Variants in NIM1K observed in about 807,000 individuals in gnomAD.
NIM1K encodes NIM1 serine/threonine protein kinase, also known as serine/threonine-protein kinase NIM1.
In NIM1K, 35 loss-of-function variants were observed where a neutral mutation model predicts 37.1. That is an observed-to-expected ratio of 0.94 (90% CI 0.72 to 1.25). The LOEUF is 1.25. NIM1K is among the 50% of genes most tolerant of loss of function. NIM1K has a pLI of 0.00. For missense variants in NIM1K, 564 were observed against 548.0 expected (o/e 1.03, Z -0.29); for synonymous variants, 234 against 206.6 (o/e 1.13, Z -1.14).
At chr5:43,252,568 A>T (rs1752880624) in intron 2 of NIM1K, among the ~76,000 whole-genome samples, 1 of 11,172 alleles carries the variant, frequency 9.0e-5, no homozygotes, top group African/African-American at 1.9e-4. Context: ...AGTAGTCTAA[A>T]AAATTGAAAA....
At chr5:43,206,920 T>C (rs1189563616) in intron 1 of NIM1K, 2 of 769,792 alleles carry the variant, frequency 2.6e-6, no homozygotes, top group Non-Finnish European at 4.8e-6. Context: ...TGTTGCTGGA[T>C]CTTCAGAGTT....
intron 1 of NIM1K, chr5:43,232,310 A>G: frequency 8.1e-7 from 1 of 1,230,278 alleles, no homozygotes; most frequent in Non-Finnish European, 1.2e-6. Context: ...AGTCTCTGCT[A>G]CAGAAAGCTG....
At chr5:43,234,539 A>G (rs1032340717) in intron 1 of NIM1K, among the ~76,000 whole-genome samples, 1 of 152,124 alleles carries the variant, frequency 6.6e-6, no homozygotes, top group Non-Finnish European at 1.5e-5. Context: ...CTGTATTCCC[A>G]GCCCTTTGGG....
chr5:43,224,521 T>C (rs902330113), intron 1 of NIM1K, among the ~76,000 whole-genome samples: 1 of 151,806 alleles, frequency 6.6e-6, no homozygotes, highest in African/African-American at 2.4e-5. Context: ...GAAACACAGA[T>C]TGTACAGTTG....
chr5:43,252,153 T>G (rs1027433552), intron 2 of NIM1K, among the ~76,000 whole-genome samples: 1 of 152,198 alleles, frequency 6.6e-6, no homozygotes, highest in Non-Finnish European at 1.5e-5. Context: ...AATTAGTGTT[T>G]ATATACTGAC....
intron 1 of NIM1K, among the ~76,000 whole-genome samples, chr5:43,205,565 C>G (rs947546518): frequency 6.6e-6 from 1 of 151,950 alleles, no homozygotes; most frequent in Non-Finnish European, 1.5e-5. Flanking sequence ...CCAGCCTGGG[C>G]AACATAGCAA....
chr5:43,248,206 G>T (rs191812543), intron 2 of NIM1K, among the ~76,000 whole-genome samples: 1 of 152,136 alleles, frequency 6.6e-6, no homozygotes, highest in Admixed American at 6.5e-5. Flanking sequence ...GTGAACAAAC[G>T]CATTAATGTG....
chr5:43,272,767 C>T (rs1222060197), intron 2 of NIM1K, among the ~76,000 whole-genome samples: 2 of 152,072 alleles, frequency 1.3e-5, no homozygotes, highest in African/African-American at 4.8e-5. Context: ...GAAGATTTTG[C>T]ATAAAGTTTC....
intron 1 of NIM1K, among the ~76,000 whole-genome samples, chr5:43,230,419 G>C (rs560417002): frequency 6.6e-6 from 1 of 152,034 alleles, no homozygotes; most frequent in Non-Finnish European, 1.5e-5. Context: ...TGGCAGTCAC[G>C]TATGTCACTT....
intron 2 of NIM1K, among the ~76,000 whole-genome samples, chr5:43,263,366 A>G (rs531319804): frequency 6.6e-6 from 1 of 152,062 alleles, no homozygotes; most frequent in East Asian, 1.9e-4. Context: ...GAATTTATCC[A>G]TTTCTTCTAG....
Position 43,246,148 on chromosome 5 carries a change from G to A in NIM1K, c.292+81G>A. On this transcript the variant is annotated intron_variant, in intron 2 of 3. Transcript: ENST00000326035. ...AAGGGGTTAGGTGGCCAGGGCCAAG[G>A]AAGCAAGTAAAGTGACCTCAGCAGA... 3.0e-6 allele frequency: 4 copies of A among 1,316,312 alleles called. No homozygotes were observed. The South Asian group carries it at 5.7e-5, about 19-fold the overall frequency. 81.5% of individuals were successfully genotyped at this position (1,316,312 alleles called of 1,614,324 possible).
rs1752691534 is a variant in NIM1K, at chr5:43,240,960, A to G, written c.-694-4122A>G. ...ATGTCAGAAATACACATCTTTGCAC[A>G]TGTGTGCAAAGAGAAATTCTAGAAG... On this transcript the variant is annotated intron_variant, in intron 1 of 3. Coordinates refer to ENST00000326035, the MANE Select transcript of NIM1K (RefSeq NM_153361.4). Among the ~76,000 whole-genome samples the G allele has an allele frequency of 4.6e-5, 7 of 152,080 alleles. No individual in the cohort carries two copies. In the South Asian group the frequency reaches 1.5e-3, roughly 32 times the overall value.
chr5:43,217,051 G>T lies in NIM1K; in HGVS notation c.-695+24640G>T, dbSNP rs116776722. On this transcript the variant is annotated intron_variant, in intron 1 of 3. Coordinates refer to ENST00000326035, the MANE Select transcript of NIM1K (RefSeq NM_153361.4). ...TGGTTTTACATATTCAGAGAGTTGT[G>T]CATACACCACTACTATCAATTTTAG... Among the ~76,000 whole-genome samples, 444 of 152,178 alleles carry T rather than the reference G, an allele frequency of 2.9e-3. 2 individuals are homozygous for T. The highest frequency in any genetic ancestry group is 0.01 in the African/African-American group (432 of 41,522).
chr5:43,222,906 C>T (rs1486824312), intron 1 of NIM1K, among the ~76,000 whole-genome samples: 1 of 151,800 alleles, frequency 6.6e-6, no homozygotes, highest in Non-Finnish European at 1.5e-5. Flanking sequence ...TTTCGGAGGC[C>T]GAGGTGGGCA....
At chr5:43,193,278 TTCCTTCCC>T (rs1200854852) in intron 1 of NIM1K, 4 of 152,022 alleles carry the variant, frequency 2.6e-5, no homozygotes, top group Non-Finnish European at 4.4e-5. Context: ...TTTCTGTTTT[TTCCTTCCC>T]TCCTTCCCTC....
intron 2 of NIM1K, among the ~76,000 whole-genome samples, chr5:43,268,141 A>C (rs1753196675): frequency 6.6e-6 from 1 of 152,174 alleles, no homozygotes; most frequent in Non-Finnish European, 1.5e-5. Context: ...ATAGTTAGGT[A>C]CACATATATT....
intron 1 of NIM1K, among the ~76,000 whole-genome samples, chr5:43,196,326 G>A (rs1751913240): frequency 6.6e-6 from 1 of 152,122 alleles, no homozygotes; most frequent in African/African-American, 2.4e-5. Flanking sequence ...TTTTATGAGA[G>A]TATATTAAAA....
intron 1 of NIM1K, among the ~76,000 whole-genome samples, chr5:43,244,668 G>C (rs1752750576): frequency 1.3e-5 from 2 of 152,160 alleles, no homozygotes; most frequent in Admixed American, 6.5e-5. Context: ...AGTTGTGCAA[G>C]AACATGAAGT....
chr5:43,205,436 C>G (rs973986689), intron 1 of NIM1K, among the ~76,000 whole-genome samples: 1 of 152,174 alleles, frequency 6.6e-6, no homozygotes, highest in Admixed American at 6.5e-5. Context: ...GCTAGCAACA[C>G]TACTCTAACA....
Sources: gnomAD v4.1 joint callset for allele counts (sites outside exome capture counted in the v4.1 genomes callset) on GRCh38, gnomAD v4.1.1 for gene constraint, MANE v1.5 for transcripts, NCBI Gene and HGNC (gene_info 2026-07-23, HGNC 2026-07-21) for gene names.